Variants in ERBB4 observed in about 807,000 individuals in gnomAD.
The protein encoded by ERBB4 is receptor tyrosine-protein kinase erbB-4.
Under a neutral mutation model 158.0 loss-of-function variants are expected in ERBB4, and 42 were observed. The observed-to-expected ratio is 0.27, with a 90% CI of 0.21 to 0.34. The LOEUF (loss-of-function observed/expected upper bound fraction) is 0.34. Among genes scored for constraint, ERBB4 ranks in the 10% least tolerant of loss-of-function variants. The probability of loss-of-function intolerance (pLI) is 1.00; values close to 1 mark genes in which losing one functional copy is unlikely to be tolerated. For synonymous variants in ERBB4, 583 were observed against 558.7 expected, an observed-to-expected ratio of 1.04 and a Z score of -0.61; for missense variants, 1,333 against 1,624.1, an observed-to-expected ratio of 0.82 and a Z score of 3.08.
chr2:211,430,048 T>C (rs1031745799), intron 21 of ERBB4, among the ~76,000 whole-genome samples: 6 of 152,168 alleles, frequency 3.9e-5, no homozygotes, highest in African/African-American at 1.4e-4. Context: ...TTTAAAATTT[T>C]TTGTGTTATT....
At chr2:212,042,735 C>T (rs1389010898) in intron 2 of ERBB4, among the ~76,000 whole-genome samples, 2 of 152,052 alleles carry the variant, frequency 1.3e-5, no homozygotes, top group Non-Finnish European at 2.9e-5. Context: ...AAATAAACTT[C>T]GGAACTAATT....
At chr2:211,742,007 A>G (rs2106185521) in intron 5 of ERBB4, among the ~76,000 whole-genome samples, 1 of 152,326 alleles carries the variant, frequency 6.6e-6, no homozygotes, top group East Asian at 1.9e-4. Context: ...ATCTCCAGAA[A>G]CCATAAATCC....
At chr2:211,624,623 T>C (rs1258793432) in intron 17 of ERBB4, among the ~76,000 whole-genome samples, 1 of 152,196 alleles carries the variant, frequency 6.6e-6, no homozygotes, top group Non-Finnish European at 1.5e-5. Context: ...GTTTACCTGT[T>C]AAATCAATAG....
At chr2:211,419,963 G>A (rs966887244) in intron 25 of ERBB4, among the ~76,000 whole-genome samples, 13 of 151,884 alleles carry the variant, frequency 8.6e-5, no homozygotes, top group Non-Finnish European at 1.3e-4. Context: ...AGGACTGCAC[G>A]GTTTTCTGTG....
At chr2:212,347,514 T>C (rs984962519) in intron 1 of ERBB4, among the ~76,000 whole-genome samples, 9 of 152,138 alleles carry the variant, frequency 5.9e-5, no homozygotes, top group Non-Finnish European at 2.9e-5. Flanking sequence ...TACACTTCCT[T>C]ATACAACTCT....
intron 1 of ERBB4, among the ~76,000 whole-genome samples, chr2:212,473,560 T>C (rs1267938831): frequency 6.6e-6 from 1 of 152,128 alleles, no homozygotes; most frequent in Non-Finnish European, 1.5e-5. Flanking sequence ...ATAACAACAC[T>C]GTGATTCAAT....
chr2:212,286,009 G>C lies in ERBB4; in HGVS notation c.83-161106C>G, dbSNP rs114452798. On this transcript the variant is annotated intron_variant, in intron 1 of 27. Transcript: ENST00000342788. The stretch of plus-strand genomic sequence containing the variant: ...CTTTCTGTCCTTTACATAGCATTAA[G>C]GACATTTATTCGACACAGATATAGT... 6.0e-3 allele frequency among the ~76,000 whole-genome samples: 916 copies of C among 152,102 alleles called. 10 individuals are homozygous for C. Among genetic ancestry groups the C allele is most frequent in the African/African-American group, 0.02 (830 of 41,506 alleles).
intron 1 of ERBB4, among the ~76,000 whole-genome samples, chr2:212,303,462 C>T (rs1255569551): frequency 6.8e-6 from 1 of 147,510 alleles, no homozygotes; most frequent in Non-Finnish European, 1.5e-5. Flanking sequence ...ATATTTGATC[C>T]TTGTAAATCC....
At chr2:211,813,811 A>T (rs546567658) in intron 3 of ERBB4, among the ~76,000 whole-genome samples, 2 of 152,252 alleles carry the variant, frequency 1.3e-5, no homozygotes, top group East Asian at 1.9e-4. Context: ...TAATGTTAAA[A>T]ATACCTTTAA....
chr2:211,794,852 A>T (rs1429841107), intron 3 of ERBB4, among the ~76,000 whole-genome samples: 1 of 151,786 alleles, frequency 6.6e-6, no homozygotes, highest in Non-Finnish European at 1.5e-5. Flanking sequence ...TTTTCCCGAG[A>T]TTTGTATTCT....
rs1448907881 is a variant in ERBB4 at position 212,431,074 on chromosome 2, CTGAT to C, written c.82+107371_82+107374del. 2.0e-5 allele frequency among the ~76,000 whole-genome samples: 3 copies of C among 152,144 alleles called. No homozygotes were observed. The East Asian group carries it at 5.8e-4, about 30-fold the overall frequency. ...ATGTTTTCTGAATTTTTTATTCAGACTGATTGACACTGATTCCCTCTTTGACAGA... is the reference window on the plus strand; with the variant it reads ...ATGTTTTCTGAATTTTTTATTCAGACTGACACTGATTCCCTCTTTGACAGA... On this transcript the variant is annotated intron_variant, in intron 1 of 27. Transcript: ENST00000342788.
At chr2:212,144,867 AT>A (rs1306116553) in intron 1 of ERBB4, among the ~76,000 whole-genome samples, 1 of 152,200 alleles carries the variant, frequency 6.6e-6, no homozygotes, top group East Asian at 1.9e-4. Context: ...AAGAGGCAAA[AT>A]TTTTAAAAGA....
intron 1 of ERBB4, among the ~76,000 whole-genome samples, chr2:212,387,018 T>C (rs148109215): frequency 1.3e-5 from 2 of 152,096 alleles, no homozygotes; most frequent in African/African-American, 4.8e-5. Flanking sequence ...ATCCCTCATT[T>C]TGGAAGAAAG....
At chr2:212,326,904 T>C (rs1006054200) in intron 1 of ERBB4, among the ~76,000 whole-genome samples, 4 of 151,020 alleles carry the variant, frequency 2.6e-5, no homozygotes, top group African/African-American at 4.8e-5. Flanking sequence ...TTTTAAATTC[T>C]TAAAAACAGG....
intron 12 of ERBB4, among the ~76,000 whole-genome samples, chr2:211,697,832 T>G (rs2073081319): frequency 6.6e-6 from 1 of 152,134 alleles, no homozygotes; most frequent in African/African-American, 2.4e-5. Flanking sequence ...AGTGAGAAAA[T>G]TTTTATGTAG....
At chr2:211,968,417 T>C (rs551573492) in intron 2 of ERBB4, among the ~76,000 whole-genome samples, 1 of 152,196 alleles carries the variant, frequency 6.6e-6, no homozygotes, top group African/African-American at 2.4e-5. Context: ...AATGCAGATT[T>C]CAGCTGTGAC....
intron 1 of ERBB4, among the ~76,000 whole-genome samples, chr2:212,433,927 T>C (rs2092083486): frequency 6.6e-6 from 1 of 151,956 alleles, no homozygotes; most frequent in Admixed American, 6.6e-5. Flanking sequence ...GGAAGAGGGA[T>C]GCTCAAGGAG....
At chr2:211,564,692 TA>T (rs2067498049) in intron 19 of ERBB4, among the ~76,000 whole-genome samples, 1 of 152,126 alleles carries the variant, frequency 6.6e-6, no homozygotes, top group Non-Finnish European at 1.5e-5. Context: ...GAGGGGGTGT[TA>T]GAAGAGTACA....
At chr2:212,156,835 T>A (rs1186927033) in intron 1 of ERBB4, among the ~76,000 whole-genome samples, 1 of 152,130 alleles carries the variant, frequency 6.6e-6, no homozygotes, top group Non-Finnish European at 1.5e-5. Context: ...CACTAAGTCC[T>A]GTTGCTTCTA....
Sources: allele counts gnomAD v4.1 joint callset (sites outside exome capture counted in the v4.1 genomes callset), GRCh38; gene constraint gnomAD v4.1.1; transcripts MANE v1.5; gene names NCBI Gene and HGNC (gene_info 2026-07-23, HGNC 2026-07-21).